ADAM12: variants seen among roughly 807,000 people sequenced by gnomAD.
ADAM12 encodes disintegrin and metalloproteinase domain-containing protein 12.
A neutral mutation model predicts 106.4 loss-of-function variants in ADAM12; 70 were observed. That is an observed-to-expected ratio of 0.66 (90% CI 0.54 to 0.80). The LOEUF is 0.80. Among genes scored for constraint, ADAM12 ranks in the 30% least tolerant of loss-of-function variants. The pLI, the probability that ADAM12 is intolerant of heterozygous loss-of-function variation, is 0.00. For missense variants in ADAM12, 1,010 were observed against 1,171.9 expected (o/e 0.86, Z 2.02); for synonymous variants, 420 against 433.5 (o/e 0.97, Z 0.39).
At chr10:126,264,411 G>A (rs1482380324) in intron 3 of ADAM12, among the ~76,000 whole-genome samples, 1 of 152,110 alleles carries the variant, frequency 6.6e-6, no homozygotes, top group Non-Finnish European at 1.5e-5. Context: ...CTCCTGTGGG[G>A]GCTTGGTTTT....
intron 3 of ADAM12, among the ~76,000 whole-genome samples, chr10:126,224,130 G>A (rs1358868831): frequency 2.0e-5 from 3 of 151,712 alleles, no homozygotes; most frequent in Non-Finnish European, 4.4e-5. Context: ...GCAGCTTCCA[G>A]GTGGGTCTCT....
intron 3 of ADAM12, among the ~76,000 whole-genome samples, chr10:126,189,258 G>A (rs1166178785): frequency 2.0e-5 from 3 of 152,176 alleles, no homozygotes; most frequent in Non-Finnish European, 2.9e-5. Flanking sequence ...GGAACAGCAC[G>A]TGGAAAGAAA....
rs752803551 is a variant in ADAM12, at chr10:126,098,366, C to T, written c.996+50G>A. The T allele has an allele frequency of 1.6e-5, 23 of 1,475,336 alleles. No individual in the cohort carries two copies. The East Asian group carries it at 5.0e-4, about 32-fold the overall frequency. The allele number at this position is 1,475,336 out of a possible 1,614,324, so 91.4% of individuals were successfully genotyped here. ...CAAAGTCTGATAAAAGTAGTGACTT[C>T]CTGGGGAATCATTATCAAGGGGAAC... On this transcript the variant is annotated intron_variant, in intron 10 of 22. Transcript: ENST00000448723.
intron 3 of ADAM12, among the ~76,000 whole-genome samples, chr10:126,182,428 A>T (rs966637494): frequency 1.3e-5 from 2 of 152,186 alleles, no homozygotes; most frequent in African/African-American, 4.8e-5. Flanking sequence ...AAAAACACTC[A>T]CTATAAATTT....
intron 6 of ADAM12, among the ~76,000 whole-genome samples, chr10:126,111,545 G>T (rs1347495333): frequency 6.6e-6 from 1 of 152,128 alleles, no homozygotes; most frequent in East Asian, 1.9e-4. Flanking sequence ...TCATTGAAAA[G>T]CTCATGGAAA....
chr10:126,294,486 C>T (rs1313859712), intron 2 of ADAM12, among the ~76,000 whole-genome samples: 1 of 152,144 alleles, frequency 6.6e-6, no homozygotes. Flanking sequence ...TGCAGGATTT[C>T]TCCCGCGACA....
At chr10:126,056,654 A>AGGC (rs1410259151) in intron 14 of ADAM12, among the ~76,000 whole-genome samples, 4 of 31,812 alleles carry the variant, frequency 1.3e-4, no homozygotes, top group African/African-American at 1.8e-4. Flanking sequence ...TCCTGTGTCC[A>AGGC]TGTGATCTCA....
intron 14 of ADAM12, among the ~76,000 whole-genome samples, chr10:126,061,867 T>C (rs902237917): frequency 2.0e-5 from 3 of 152,136 alleles, no homozygotes; most frequent in African/African-American, 7.2e-5. Context: ...TTATAAGCCA[T>C]TAAGTTTGTG....
chr10:126,314,004 G>C (rs1961234875), intron 2 of ADAM12, among the ~76,000 whole-genome samples: 1 of 151,992 alleles, frequency 6.6e-6, no homozygotes, highest in African/African-American at 2.4e-5. Context: ...ACTAGATGGG[G>C]TGCTGTAGGC....
intron 3 of ADAM12, among the ~76,000 whole-genome samples, chr10:126,265,131 G>A (rs1351685862): frequency 6.6e-6 from 1 of 152,202 alleles, no homozygotes; most frequent in African/African-American, 2.4e-5. Context: ...TTTTACAAAT[G>A]TGGACCCTCA....
chr10:126,172,699 C>T (rs562176481), intron 3 of ADAM12, among the ~76,000 whole-genome samples: 4 of 152,230 alleles, frequency 2.6e-5, no homozygotes, highest in African/African-American at 4.8e-5. Context: ...AAAAGTGTGG[C>T]GATTCCTCAA....
intron 21 of ADAM12, among the ~76,000 whole-genome samples, chr10:126,021,903 T>G (rs1041052880): frequency 3.9e-5 from 6 of 152,138 alleles, no homozygotes; most frequent in Non-Finnish European, 8.8e-5. Context: ...GATAATTAAC[T>G]AAGGTAACAA....
chr10:126,086,670 AAAAAAAAAAAATATATATATATAT>A (rs1955352572), intron 11 of ADAM12, among the ~76,000 whole-genome samples: 1 of 41,490 alleles, frequency 2.4e-5, no homozygotes, highest in South Asian at 1.2e-3. Flanking sequence ...AAAAAAAAAA[AAAAAAAAAAAATATATATATATAT>A]ATATATATAT....
At chr10:126,091,213 T>G (rs1955458353) in intron 11 of ADAM12, among the ~76,000 whole-genome samples, 1 of 152,248 alleles carries the variant, frequency 6.6e-6, no homozygotes, top group African/African-American at 2.4e-5. Context: ...ATACTACCTT[T>G]GTGGAATGAT....
chr10:126,309,101 G>A (rs1379259929), intron 2 of ADAM12, among the ~76,000 whole-genome samples: 1 of 152,154 alleles, frequency 6.6e-6, no homozygotes, highest in Non-Finnish European at 1.5e-5. Context: ...GCCAAGAGTG[G>A]ACACATGGCC....
chr10:126,032,821 T>C (rs1434062985), intron 21 of ADAM12, among the ~76,000 whole-genome samples: 1 of 151,948 alleles, frequency 6.6e-6, no homozygotes. Context: ...TAAAACAAAT[T>C]AGAAAAACAA....
At chr10:126,174,806 G>A (rs953183704) in intron 3 of ADAM12, among the ~76,000 whole-genome samples, 2 of 150,916 alleles carry the variant, frequency 1.3e-5, no homozygotes, top group Non-Finnish European at 2.9e-5. Flanking sequence ...AGGCTGGAGT[G>A]CAGTGGCTTG....
rs561219767 is a variant in ADAM12, at chr10:126,132,534, C to G, written c.416+3050G>C. On this transcript the variant is annotated intron_variant, in intron 5 of 22. Transcript: ENST00000448723. Reference sequence around the variant, plus strand: ...GAGTGCTGCATGAACACCCCCCCCCCCTCAACTAGTCCAGTCCCAGAATCA... The same window carrying G: ...GAGTGCTGCATGAACACCCCCCCCCGCTCAACTAGTCCAGTCCCAGAATCA... 4.5e-4 allele frequency among the ~76,000 whole-genome samples: 63 copies of G among 139,516 alleles called. 2 individuals are homozygous for G. The highest frequency in any genetic ancestry group is 1.6e-3 in the South Asian group (6 of 3,808). The allele number at this position is 139,516 out of a possible 152,430, so 91.5% of individuals were successfully genotyped here.
At chr10:126,353,310 A>G (rs888200867) in intron 1 of ADAM12, among the ~76,000 whole-genome samples, 1 of 152,164 alleles carries the variant, frequency 6.6e-6, no homozygotes, top group Admixed American at 6.5e-5. Flanking sequence ...CTAGATCTGA[A>G]AGATGTTACG....
Sources: allele counts gnomAD v4.1 joint callset (sites outside exome capture counted in the v4.1 genomes callset), GRCh38; gene constraint gnomAD v4.1.1; transcripts MANE v1.5; gene names NCBI Gene and HGNC (gene_info 2026-07-23, HGNC 2026-07-21).